The following SAMD4A variants were observed in gnomAD, a reference collection of about 807,000 sequenced individuals.
SAMD4A encodes protein Smaug homolog 1.
SAMD4A carries 33 observed loss-of-function variants against 81.3 expected under a neutral mutation model. The ratio of observed to expected loss-of-function variants is 0.41; its 90% confidence interval spans 0.31 to 0.54. SAMD4A has a LOEUF of 0.54. SAMD4A is among the 20% of genes least tolerant of loss of function. The probability of loss-of-function intolerance (pLI) is 0.37; values close to 1 mark genes in which losing one functional copy is unlikely to be tolerated. For synonymous variants in SAMD4A, 389 were observed against 382.1 expected (o/e 1.02, Z -0.21); for missense variants, 854 against 951.1 (o/e 0.90, Z 1.34).
At chr14:54,666,369 G>A (rs965179425) in intron 2 of SAMD4A, among the ~76,000 whole-genome samples, 18 of 152,168 alleles carry the variant, frequency 1.2e-4, no homozygotes, top group African/African-American at 2.9e-4. Flanking sequence ...TATACACCAG[G>A]GTATTGGCTC....
At chr14:54,639,613 G>A (rs3742561) in intron 2 of SAMD4A, among the ~76,000 whole-genome samples, 4,080 of 152,260 alleles carry the variant, frequency 0.027, 233 homozygotes, top group East Asian at 0.24. Flanking sequence ...TTCGGAATCT[G>A]TCAGCACTTT....
intron 7 of SAMD4A, among the ~76,000 whole-genome samples, chr14:54,762,099 G>C (rs368322896): frequency 6.6e-6 from 1 of 152,162 alleles, no homozygotes; most frequent in African/African-American, 2.4e-5. Context: ...ACGCCTGTCG[G>C]GGAGGGTAGA....
intron 2 of SAMD4A, among the ~76,000 whole-genome samples, chr14:54,644,236 A>T (rs368924540): frequency 8.5e-5 from 13 of 152,224 alleles, no homozygotes; most frequent in African/African-American, 3.1e-4. Context: ...ATCTTGTCTA[A>T]GGTTACTAAC....
At chr14:54,613,922 G>A (rs897167371) in intron 2 of SAMD4A, among the ~76,000 whole-genome samples, 5 of 152,124 alleles carry the variant, frequency 3.3e-5, no homozygotes, top group African/African-American at 4.8e-5. Flanking sequence ...AAATTCACCC[G>A]TAAGATTTTA....
At chr14:54,633,160 A>G (rs2034944887) in intron 2 of SAMD4A, among the ~76,000 whole-genome samples, 1 of 152,198 alleles carries the variant, frequency 6.6e-6, no homozygotes, top group Non-Finnish European at 1.5e-5. Context: ...GGTGGGCATG[A>G]GGAGTGGAGG....
intron 2 of SAMD4A, among the ~76,000 whole-genome samples, chr14:54,661,643 G>C (rs75337652): frequency 6.6e-6 from 1 of 152,168 alleles, no homozygotes; most frequent in Admixed American, 6.5e-5. Flanking sequence ...AGTTGGCTTT[G>C]TGACTATTCC....
At chr14:54,638,522 A>G (rs1158127689) in intron 2 of SAMD4A, among the ~76,000 whole-genome samples, 1 of 152,254 alleles carries the variant, frequency 6.6e-6, no homozygotes, top group East Asian at 1.9e-4. Context: ...AAGAGAAGTT[A>G]TGATAAATTA....
At chr14:54,565,440 A>G (rs997514534), upstream of SAMD4A, among the ~76,000 whole-genome samples, 1 of 152,214 alleles carries the variant, frequency 6.6e-6, no homozygotes, top group Non-Finnish European at 1.5e-5. This position sits in a 1 kb window ranked among gnomAD's most constrained non-coding sequence, Gnocchi z 5.4. Flanking sequence ...GCGCCAGAGC[A>G]AAGGGCATCC....
chr14:54,723,875 T>C (rs2037326513), intron 3 of SAMD4A, among the ~76,000 whole-genome samples: 1 of 152,140 alleles, frequency 6.6e-6, no homozygotes, highest in Non-Finnish European at 1.5e-5. Context: ...AAGTTAACAA[T>C]TAGCATTTTT....
chr14:54,623,337 T>G (rs929009279), intron 2 of SAMD4A, among the ~76,000 whole-genome samples: 1 of 152,044 alleles, frequency 6.6e-6, no homozygotes, highest in Non-Finnish European at 1.5e-5. Flanking sequence ...TCATGAACTT[T>G]CCAAATTGTT....
chr14:54,670,049 G>C (rs41525444), intron 2 of SAMD4A, among the ~76,000 whole-genome samples: 7,600 of 152,236 alleles, frequency 0.05, 230 homozygotes, highest in Middle Eastern at 0.14. Flanking sequence ...CTGAGTGTTT[G>C]TTGTGGCCCA....
intron 4 of SAMD4A, among the ~76,000 whole-genome samples, chr14:54,742,425 A>G (rs1457728312): frequency 6.6e-6 from 1 of 152,260 alleles, no homozygotes; most frequent in Middle Eastern, 3.4e-3. Flanking sequence ...TGGGCCCCAC[A>G]GTGCACCATG....
intron 9 of SAMD4A, 120 bp downstream of exon 9, chr14:54,770,342 T>C (rs2038667510): frequency 9.9e-6 from 7 of 706,962 alleles, no homozygotes; most frequent in East Asian, 7.5e-5. Context: ...AGATGCCCTG[T>C]GGCGAGTTCC....
intron 8 of SAMD4A, among the ~76,000 whole-genome samples, chr14:54,766,823 C>A (rs1440212286): frequency 6.6e-6 from 1 of 152,194 alleles, no homozygotes; most frequent in African/African-American, 2.4e-5. Flanking sequence ...CTCCAGCTAC[C>A]TGTGCCAAAC....
intron 2 of SAMD4A, among the ~76,000 whole-genome samples, chr14:54,679,195 T>G (rs2036072081): frequency 6.6e-6 from 1 of 152,196 alleles, no homozygotes; most frequent in South Asian, 2.1e-4. Flanking sequence ...TTTGGGTGAT[T>G]CTAATGTGTC....
At chr14:54,737,542 C>CTTT (rs758410575) in intron 4 of SAMD4A, among the ~76,000 whole-genome samples, 3 of 85,444 alleles carry the variant, frequency 3.5e-5, no homozygotes, top group African/African-American at 1.4e-4. Flanking sequence ...CTCTCTCTCT[C>CTTT]TTTTTTTTTT....
chr14:54,665,380 C>T (rs2035736615), intron 2 of SAMD4A, among the ~76,000 whole-genome samples: 1 of 152,108 alleles, frequency 6.6e-6, no homozygotes, highest in Non-Finnish European at 1.5e-5. Context: ...AGAGACTGTC[C>T]TTCATTTCAG....
intron 2 of SAMD4A, among the ~76,000 whole-genome samples, chr14:54,570,794 A>G (rs1032186517): frequency 1.3e-5 from 2 of 152,258 alleles, no homozygotes; most frequent in African/African-American, 4.8e-5. Flanking sequence ...GTTTACACCC[A>G]GAATAATTAA....
chr14:54,759,987 C>G (rs2038346882), intron 6 of SAMD4A, among the ~76,000 whole-genome samples, 174 bp from the exon 7 acceptor site: 1 of 152,120 alleles, frequency 6.6e-6, no homozygotes, highest in Non-Finnish European at 1.5e-5. Context: ...AGTGTTCTTC[C>G]TGGGCCAATA....
Sources: gnomAD v4.1 joint callset for allele counts (sites outside exome capture counted in the v4.1 genomes callset) on GRCh38, gnomAD v4.1.1 for gene constraint, Gnocchi (gnomAD v3.1) non-coding constraint, MANE v1.5 for transcripts, NCBI Gene and HGNC (gene_info 2026-07-23, HGNC 2026-07-21) for gene names.